The following DNA2 variants were observed in gnomAD, a reference collection of about 807,000 sequenced individuals.
The protein encoded by DNA2 is DNA replication helicase/nuclease 2.
A neutral mutation model predicts 119.1 loss-of-function variants in DNA2; 101 were observed. The ratio of observed to expected loss-of-function variants is 0.85; its 90% CI spans 0.72 to 1.00. The LOEUF (loss-of-function observed/expected upper bound fraction) is 1.00. DNA2 is among the 50% of genes least tolerant of loss of function. The pLI is 0.00. For synonymous variants in DNA2, 366 were observed against 424.4 expected (o/e 0.86, Z 1.69); for missense variants, 1,121 against 1,255.5 (o/e 0.89, Z 1.62).
At chr10:68,427,648 C>G (rs2051760122) in intron 14 of DNA2, among the ~76,000 whole-genome samples, 1 of 138,382 alleles carries the variant, frequency 7.2e-6, no homozygotes, top group South Asian at 2.1e-4. Flanking sequence ...GACCTTGTCT[C>G]AAACACACAC....
At chr10:68,470,279 T>C in intron 1 of DNA2, 116 bp from the exon 2 acceptor site, 1 of 900,834 alleles carries the variant, frequency 1.1e-6, no homozygotes, top group South Asian at 2.2e-5. Flanking sequence ...TCTGAAAAGC[T>C]TATTGCAATG....
At position 68,446,314 on chromosome 10, in the gene DNA2, TG is replaced by T; in HGVS notation, c.1038del (p.Asn347ThrfsTer3). On this transcript the variant is annotated frameshift_variant, in exon 7 of 21. Transcript: ENST00000358410. LOFTEE classifies it high-confidence loss of function. ...LKTGQMYPVPANHLDKRELLK... is the reference protein window; with the variant it reads ...LKTGQMYPVPXNHLDKRELLK... ...GCTCAACCTCTTTTATCTAGATGGT[TG>T]GCAGGCACAGGGTACATCTGACCAG... 1 of 1,586,002 alleles carries T rather than the reference TG, an allele frequency of 6.3e-7. No individual in the cohort carries two copies. The highest frequency in any genetic ancestry group is 8.6e-7 in the Non-Finnish European group (1 of 1,166,648).
intron 14 of DNA2, among the ~76,000 whole-genome samples, chr10:68,427,338 A>G (rs1485695224): frequency 6.6e-6 from 1 of 151,626 alleles, no homozygotes; most frequent in Non-Finnish European, 1.5e-5. Context: ...AGCCTGGGCA[A>G]TAACGTGTCA....
chr10:68,448,958 T>TGC (rs1564890376), intron 6 of DNA2, among the ~76,000 whole-genome samples: 2 of 127,048 alleles, frequency 1.6e-5, no homozygotes, highest in African/African-American at 6.0e-5. Flanking sequence ...TGTGTGTGTG[T>TGC]GTGTGTGTGC....
intron 17 of DNA2, 112 bp downstream of exon 17, chr10:68,422,113 T>G: frequency 1.2e-6 from 1 of 845,768 alleles, no homozygotes; most frequent in Non-Finnish European, 1.8e-6. Context: ...ACGCCCAGCC[T>G]AGTTTTGCCT....
At position 68,462,507 on chromosome 10, in the gene DNA2, A is replaced by G. The variant is rs191303108; in HGVS notation, c.587+3160T>C. Among the ~76,000 whole-genome samples, 3 of 152,300 alleles carry G rather than the reference A, an allele frequency of 2.0e-5. No individual in the cohort carries two copies. In the South Asian group the frequency reaches 6.2e-4, roughly 32 times the overall value. On this transcript the variant is annotated intron_variant, in intron 4 of 20. Coordinates refer to ENST00000358410, the MANE Select transcript of DNA2 (RefSeq NM_001080449.3). ...TCTTTCCAGTCTTTAATAATTTTTT[A>G]GTGTAAAGGGGTCCTGAGAGCAAAA...
intron 5 of DNA2, among the ~76,000 whole-genome samples, chr10:68,451,096 TAAA>T (rs754298528): frequency 4.0e-5 from 4 of 98,834 alleles, no homozygotes; most frequent in African/African-American, 1.1e-4. Flanking sequence ...CAAGACTGTC[TAAA>T]AAAAAAAAAA....
intron 14 of DNA2, among the ~76,000 whole-genome samples, chr10:68,427,986 T>C (rs1415474340): frequency 2.0e-5 from 3 of 148,886 alleles, no homozygotes; most frequent in Non-Finnish European, 4.4e-5. Flanking sequence ...TGAGCTCAGA[T>C]CGCACCACTG....
chr10:68,450,627 T>G (rs1234120058), intron 5 of DNA2, among the ~76,000 whole-genome samples: 6 of 152,214 alleles, frequency 3.9e-5, no homozygotes, highest in Admixed American at 1.3e-4. Flanking sequence ...TCATTCCTAC[T>G]ATAATCTTCT....
chr10:68,423,684 G>C (rs2051696037), intron 14 of DNA2, among the ~76,000 whole-genome samples: 1 of 152,212 alleles, frequency 6.6e-6, no homozygotes, highest in Non-Finnish European at 1.5e-5. Flanking sequence ...AGAAAGCCAA[G>C]TAGGGAGTCA....
Position 68,432,261 on chromosome 10 carries a change from GT to G in DNA2, c.1817del (p.Tyr606SerfsTer18), listed in dbSNP as rs1590055107. On this transcript the variant is annotated frameshift_variant, in exon 12 of 21. Transcript: ENST00000358410. LOFTEE classifies it high-confidence loss of function. ...IDFREPQFIS[Y>X]LSSVLPHDAK... is the part of the protein sequence containing the mutation. ...CATCATGTGGAAGAACAGAACTAAG[GT>G]AGGATATAAACTGAGGTTCACGAAA... 6.2e-6 allele frequency: 10 copies of G among 1,609,850 alleles called. No homozygotes were observed. Among genetic ancestry groups the G allele is most frequent in the Non-Finnish European group, 6.8e-6 (8 of 1,178,760 alleles).
rs532517749 is a variant in DNA2, at chr10:68,448,982, T to C, written c.939+1046A>G. Among the ~76,000 whole-genome samples the C allele has an allele frequency of 7.4e-3, 1,061 of 144,310 alleles. 19 individuals are homozygous for C. The highest frequency in any genetic ancestry group is 0.029 in the African/African-American group (1,004 of 34,996). The allele number at this position is 144,310 out of a possible 152,430, so 94.7% of individuals were successfully genotyped here. A position where few individuals can be genotyped will look rare whatever the true frequency, so the allele number is the denominator to read the frequency against. ...GTGTGTGTGTGCGTGTGTGTGTGTG[T>C]GTGTAGTAGTTTCACCATGTTGGCC... On this transcript the variant is annotated intron_variant, in intron 6 of 20. Coordinates refer to ENST00000358410, the MANE Select transcript of DNA2 (RefSeq NM_001080449.3).
At chr10:68,456,928 A>T (rs2052190264) in intron 5 of DNA2, among the ~76,000 whole-genome samples, 1 of 151,550 alleles carries the variant, frequency 6.6e-6, no homozygotes, top group Non-Finnish European at 1.5e-5. Flanking sequence ...AGGTCAGGAG[A>T]TCGAGACCAT....
chr10:68,423,516 G>A (rs572128322), intron 14 of DNA2, among the ~76,000 whole-genome samples: 7 of 152,268 alleles, frequency 4.6e-5, no homozygotes, highest in Non-Finnish European at 7.4e-5. Context: ...AGCCTAGCTA[G>A]ACAGAAAACT....
chr10:68,422,506 T>TA lies in DNA2; in HGVS notation c.2492+8dup, dbSNP rs753500591. ...GAAAACCACTCCTAGCTAACACTGTTACAAATACCTGTTCATTCTGTACTG... is the reference window on the plus strand; with the variant it reads ...GAAAACCACTCCTAGCTAACACTGTTAACAAATACCTGTTCATTCTGTACTG... On this transcript the variant is annotated intron_variant, in intron 16 of 20. Coordinates refer to ENST00000358410, the MANE Select transcript of DNA2 (RefSeq NM_001080449.3). The TA allele has an allele frequency of 1.2e-6, 2 of 1,613,758 alleles. No homozygotes were observed. The highest frequency in any genetic ancestry group is 3.3e-5 in the Admixed American group (2 of 60,016).
chr10:68,443,209 C>G, intron 8 of DNA2, 98 bp from the exon 9 acceptor site: 1 of 991,888 alleles, frequency 1.0e-6, no homozygotes, highest in Non-Finnish European at 1.4e-6. Flanking sequence ...ATATGATCAT[C>G]ATCATAACTC....
intron 5 of DNA2, among the ~76,000 whole-genome samples, chr10:68,457,328 G>A (rs2133427909): frequency 1.3e-5 from 2 of 152,250 alleles, no homozygotes; most frequent in Middle Eastern, 3.4e-3. Context: ...GTCAGCCACA[G>A]GGCTTTTGCC....
At chr10:68,463,008 T>C (rs1590074822) in intron 4 of DNA2, among the ~76,000 whole-genome samples, 1 of 151,920 alleles carries the variant, frequency 6.6e-6, no homozygotes, top group Admixed American at 6.6e-5. Flanking sequence ...GGCACACGCC[T>C]GTAATCCCAG....
chr10:68,466,628 G>C (rs1348019808), intron 3 of DNA2, among the ~76,000 whole-genome samples: 9 of 150,884 alleles, frequency 6.0e-5, no homozygotes, highest in Admixed American at 3.3e-4. Flanking sequence ...ACCCAGGCTG[G>C]AGTGCAGCCG....
Sources: gnomAD v4.1 joint callset for allele counts (sites outside exome capture counted in the v4.1 genomes callset) on GRCh38, gnomAD v4.1.1 for gene constraint, MANE v1.5 for transcripts, NCBI Gene and HGNC (gene_info 2026-07-23, HGNC 2026-07-21) for gene names.